The following FAM171A1 variants were observed in gnomAD, a reference collection of about 807,000 sequenced individuals.
FAM171A1 encodes the protein family with sequence similarity 171 member A1, also known as protein FAM171A1.
A neutral mutation model predicts 74.9 loss-of-function variants in FAM171A1; 23 were observed. The observed-to-expected ratio is 0.31, with a 90% CI of 0.22 to 0.44. FAM171A1 has a LOEUF of 0.44. FAM171A1 is among the 20% of genes least tolerant of loss of function. The probability of loss-of-function intolerance (pLI) is 1.00; values close to 1 mark genes in which losing one functional copy is unlikely to be tolerated. For missense variants in FAM171A1, 1,162 were observed against 1,159.2 expected (o/e 1.00, Z -0.03); for synonymous variants, 527 against 505.7 (o/e 1.04, Z -0.57).
In FAM171A1 at chr10:15,252,083, C is replaced by G. The variant is rs546571243; in HGVS notation, c.577+2638G>C. Among the ~76,000 whole-genome samples, 24 of 152,238 alleles carry G rather than the reference C, an allele frequency of 1.6e-4. 1 individual carries two copies. Among genetic ancestry groups the G allele is most frequent in the Non-Finnish European group, 3.4e-4 (23 of 68,038 alleles). ...AAGTCTGCACCTGTCATTTTATTGA[C>G]TCTTCTCTGTCTTCCTGGAGTTATT... On this transcript the variant is annotated intron_variant, in intron 4 of 7. Transcript: ENST00000378116.
In FAM171A1 at chr10:15,213,807, T is replaced by A; in HGVS notation, c.1781A>T (p.His594Leu). The change falls in exon 8 of 8, where the codon CAC (histidine) becomes CTC (leucine). Residue 594 changes from histidine to leucine, a missense_variant. By Grantham distance (99) the His-to-Leu change is moderately conservative. Transcript: ENST00000378116. This position sits in a 1 kb window ranked among gnomAD's most constrained non-coding sequence, Gnocchi z 6.8. ...PAHYMKLPGD[H>L]SYVSQPLVVP... Reference sequence around the variant, plus strand: ...GACGAGGGGCTGGCTGACATAGGAGTGGTCCCCGGGGAGTTTCATATAATG... The same window carrying A: ...GACGAGGGGCTGGCTGACATAGGAGAGGTCCCCGGGGAGTTTCATATAATG... The A allele has an allele frequency of 6.2e-7, 1 of 1,613,942 alleles. No homozygotes were observed. The highest frequency in any genetic ancestry group is 1.1e-5 in the South Asian group (1 of 91,076).
At chr10:15,230,095 A>C (rs1041704679) in intron 5 of FAM171A1, among the ~76,000 whole-genome samples, 1 of 152,234 alleles carries the variant, frequency 6.6e-6, no homozygotes, top group Admixed American at 6.5e-5. Flanking sequence ...ACTTAAGTCT[A>C]TGTTATTGTA....
At position 15,213,981 on chromosome 10, in the gene FAM171A1, G is replaced by A; in HGVS notation, c.1607C>T (p.Pro536Leu). Residue 536 changes from proline (P) to leucine (L), a missense_variant, in exon 8 of 8, where the codon CCC becomes CTC. Physicochemically the swap from Pro to Leu is moderately conservative, Grantham distance 98. Transcript: ENST00000378116. This position sits in a 1 kb window ranked among gnomAD's most constrained non-coding sequence, Gnocchi z 6.8. ...PEKEQLLDRRPTECMMSRSVD... is the reference protein window; with the variant it reads ...PEKEQLLDRRLTECMMSRSVD... ...TGATCGCGACATCATACATTCAGTG[G>A]GTCTGCGGTCCAGCAGCTGTTCTTT... 1 of 1,614,160 alleles carries A rather than the reference G, an allele frequency of 6.2e-7. No individual in the cohort carries two copies. The highest frequency in any genetic ancestry group is 2.2e-5 in the East Asian group (1 of 44,870).
intron 2 of FAM171A1, among the ~76,000 whole-genome samples, chr10:15,277,304 G>A (rs1423582950): frequency 6.6e-6 from 1 of 152,066 alleles, no homozygotes; most frequent in African/African-American, 2.4e-5. Flanking sequence ...TGCAACCTCC[G>A]CCTCGCAGGT....
intron 1 of FAM171A1, among the ~76,000 whole-genome samples, chr10:15,338,379 C>T (rs1021255739): frequency 1.3e-5 from 2 of 152,088 alleles, no homozygotes; most frequent in East Asian, 3.9e-4. Context: ...AAAATGAATA[C>T]CAATTAATAA....
In FAM171A1 at chr10:15,224,245, G is replaced by C. The variant is rs79736639; in HGVS notation, c.755-3185C>G. ...AGGAGGACATTCTACCCAGGGATCA[G>C]TGTGTACAAAGGCCTGGTGTGGTGG... On this transcript the variant is annotated intron_variant, in intron 5 of 7. Coordinates refer to ENST00000378116, the MANE Select transcript of FAM171A1 (RefSeq NM_001010924.2). Among the ~76,000 whole-genome samples, 1,363 of 152,228 alleles carry C rather than the reference G, an allele frequency of 9.0e-3. 75 individuals carry two copies. In the East Asian group the frequency reaches 0.18, roughly 20 times the overall value.
chr10:15,219,650 C>T (rs1434977897), intron 6 of FAM171A1, among the ~76,000 whole-genome samples: 1 of 152,136 alleles, frequency 6.6e-6, no homozygotes, highest in East Asian at 1.9e-4. Flanking sequence ...GGCACAATCT[C>T]GGCTCACTGC....
chr10:15,318,141 G>A (rs955706382), intron 1 of FAM171A1, among the ~76,000 whole-genome samples: 5 of 152,202 alleles, frequency 3.3e-5, no homozygotes, highest in African/African-American at 1.2e-4. Context: ...AAATTCTGGA[G>A]ACACATGGTC....
At chr10:15,344,252 G>C (rs1835795721) in intron 1 of FAM171A1, among the ~76,000 whole-genome samples, 1 of 152,170 alleles carries the variant, frequency 6.6e-6, no homozygotes, top group Admixed American at 6.5e-5. Context: ...AACATCACCA[G>C]GATTGAAAAT....
At chr10:15,334,299 C>T (rs879345359) in intron 1 of FAM171A1, among the ~76,000 whole-genome samples, 1 of 152,156 alleles carries the variant, frequency 6.6e-6, no homozygotes, top group Admixed American at 6.6e-5. Flanking sequence ...GAGGAGATAC[C>T]ATCATCTCCT....
chr10:15,338,616 C>T (rs1289560585), intron 1 of FAM171A1, among the ~76,000 whole-genome samples: 4 of 152,184 alleles, frequency 2.6e-5, no homozygotes, highest in Non-Finnish European at 5.9e-5. Flanking sequence ...AAAATTCAAT[C>T]CTATTAAACT....
intron 1 of FAM171A1, among the ~76,000 whole-genome samples, chr10:15,338,249 T>C (rs896647916): frequency 5.9e-5 from 9 of 152,214 alleles, no homozygotes; most frequent in African/African-American, 2.2e-4. Context: ...CTCAAAACAC[T>C]AGCAGAATTT....
intron 1 of FAM171A1, among the ~76,000 whole-genome samples, chr10:15,317,684 T>C (rs778951814): frequency 6.6e-6 from 1 of 152,206 alleles, no homozygotes; most frequent in African/African-American, 2.4e-5. Context: ...TGAGCCACCA[T>C]GCCCAGCCTG....
chr10:15,308,398 T>C (rs1835321948), intron 1 of FAM171A1, among the ~76,000 whole-genome samples: 1 of 152,148 alleles, frequency 6.6e-6, no homozygotes, highest in African/African-American at 2.4e-5. Flanking sequence ...AACACTGAGT[T>C]TTCAAAAGCA....
intron 1 of FAM171A1, among the ~76,000 whole-genome samples, chr10:15,301,362 A>ATATATATAT (rs575709720): frequency 7.1e-6 from 1 of 141,564 alleles, no homozygotes; most frequent in African/African-American, 2.6e-5. Context: ...ATATATATAT[A>ATATATATAT]TTTTTTTTTT....
upstream of FAM171A1, among the ~76,000 whole-genome samples, chr10:15,373,850 TTAA>T (rs747825360): frequency 4.4e-4 from 67 of 152,342 alleles, no homozygotes; most frequent in Non-Finnish European, 8.1e-4. Flanking sequence ...GGAAGAAATC[TTAA>T]TAAACTGAAT....
At chr10:15,289,498 CT>C (rs760034383) in intron 1 of FAM171A1, among the ~76,000 whole-genome samples, 13 of 152,162 alleles carry the variant, frequency 8.5e-5, no homozygotes, top group Non-Finnish European at 1.9e-4. Flanking sequence ...GCAGGCCTTT[CT>C]TTTGTACCCT....
intron 5 of FAM171A1, among the ~76,000 whole-genome samples, chr10:15,243,813 A>ATC (rs1441234097): frequency 1.9e-4 from 3 of 15,450 alleles, no homozygotes; most frequent in African/African-American, 5.2e-4. Context: ...ACATTGACTG[A>ATC]GCAGCTCACC....
intron 3 of FAM171A1, among the ~76,000 whole-genome samples, chr10:15,266,396 C>T (rs969413559): frequency 2.0e-5 from 3 of 152,096 alleles, no homozygotes; most frequent in Admixed American, 1.3e-4. Flanking sequence ...CAGGGGCAGG[C>T]GGTGTGACTC....
Sources: gnomAD v4.1 joint callset for allele counts (sites outside exome capture counted in the v4.1 genomes callset) on GRCh38, gnomAD v4.1.1 for gene constraint, Gnocchi (gnomAD v3.1) non-coding constraint, MANE v1.5 for transcripts, NCBI Gene and HGNC (gene_info 2026-07-23, HGNC 2026-07-21) for gene names.